Variants in SPRYD4 observed in about 807,000 individuals in gnomAD.
SPRYD4 encodes the protein SPRY domain containing 4.
Under a neutral mutation model 16.6 loss-of-function variants are expected in SPRYD4, and 12 were observed. That is an observed-to-expected ratio of 0.72 (90% CI 0.46 to 1.17). The LOEUF (loss-of-function observed/expected upper bound fraction) is 1.17. Among genes scored for constraint, SPRYD4 ranks in the 50% most tolerant of loss-of-function variants. The probability of loss-of-function intolerance (pLI) is 0.00; values close to 1 mark genes in which losing one functional copy is unlikely to be tolerated. For missense variants in SPRYD4, 260 were observed against 260.2 expected, an observed-to-expected ratio of 1.00 and a Z score of 0.00; for synonymous variants, 98 against 105.4, an observed-to-expected ratio of 0.93 and a Z score of 0.43.
At position 56,478,133 on chromosome 12, in the gene SPRYD4, G is replaced by GT. The variant is rs1381485241; in HGVS notation, c.*8557dup. 5.0e-6 allele frequency: 8 copies of GT among 1,614,024 alleles called. No individual in the cohort carries two copies. Among genetic ancestry groups the GT allele is most frequent in the Non-Finnish European group, 2.5e-6 (3 of 1,179,970 alleles). On this transcript the variant is annotated 3_prime_UTR_variant, in exon 2 of 2. Transcript: ENST00000338146. ...CAGATGCCATGAAAGGGGTTGGCCTGTGTTCGGCACCTGTGCCCTGCCTCC... is the reference window on the plus strand; with the variant it reads ...CAGATGCCATGAAAGGGGTTGGCCTGTTGTTCGGCACCTGTGCCCTGCCTCC...
In SPRYD4 at chr12:56,469,213, G is replaced by A. The variant is rs758879041; in HGVS notation, c.260G>A (p.Arg87Lys). 3.1e-6 allele frequency: 5 copies of A among 1,614,204 alleles called. No individual in the cohort carries two copies. Among genetic ancestry groups the A allele is most frequent in the South Asian group, 2.2e-5 (2 of 91,080 alleles). ...GCAGACACAGCGGTCACCAGTGGCA[G>A]ACACTACTGGGAAGTGACAGTGAAG... is the stretch of plus-strand genomic sequence containing the variant. ...VLADTAVTSG[R>K]HYWEVTVKRS... The change falls in exon 2 of 2, where the codon AGA becomes AAA. Residue 87 changes from arginine to lysine, a missense_variant. Arg to Lys is a conservative substitution (Grantham distance 26). Coordinates refer to ENST00000338146, the MANE Select transcript of SPRYD4 (RefSeq NM_207344.4).
Position 56,471,805 on chromosome 12 carries a change from C to G in SPRYD4, c.*2228C>G. ...TGGCAAAAGGATTCACTTTGCAAGC[C>G]TCGATCAGGAATTTAACAACTTCGA... On this transcript the variant is annotated 3_prime_UTR_variant, in exon 2 of 2. Transcript: ENST00000338146. 1 of 1,614,054 alleles carries G rather than the reference C, an allele frequency of 6.2e-7. No individual in the cohort carries two copies. The highest frequency in any genetic ancestry group is 8.5e-7 in the Non-Finnish European group (1 of 1,180,032).
chr12:56,472,885 CTTTTTTTTT>C lies in SPRYD4; in HGVS notation c.*3320_*3328del. On this transcript the variant is annotated 3_prime_UTR_variant, in exon 2 of 2. Transcript: ENST00000338146. The stretch of plus-strand genomic sequence containing the variant: ...ATGGAATGTGCTACTCTGAAATATT[CTTTTTTTTT>C]TTTTTTTTTTTGAGACGGAGTCTCG... 2.5e-6 allele frequency: 1 copy of C among 399,734 alleles called. No individual in the cohort carries two copies. Among genetic ancestry groups the C allele is most frequent in the Non-Finnish European group, 4.4e-6 (1 of 225,930 alleles). 24.8% of individuals were successfully genotyped at this position (399,734 alleles called of 1,614,324 possible). A position where few individuals can be genotyped will look rare whatever the true frequency, so the allele number is the denominator to read the frequency against.
chr12:56,468,938 A>T, intron 1 of SPRYD4, 101 bp from the exon 2 acceptor site: 1 of 1,401,476 alleles, frequency 7.1e-7, no homozygotes. Context: ...ACTCTTCCCT[A>T]GTTGCTCGTG....
chr12:56,474,243 C>A lies in SPRYD4; in HGVS notation c.*4666C>A, dbSNP rs1373676217. Reference sequence around the variant, plus strand: ...TAGCTGGGATTACAGGTGCACACCACCACCCCCGGCTAATTTTTTGTATTT... The same window carrying A: ...TAGCTGGGATTACAGGTGCACACCAACACCCCCGGCTAATTTTTTGTATTT... On this transcript the variant is annotated 3_prime_UTR_variant, in exon 2 of 2. Coordinates refer to ENST00000338146, the MANE Select transcript of SPRYD4 (RefSeq NM_207344.4). 1 of 366,782 alleles carries A rather than the reference C, an allele frequency of 2.7e-6. No individual in the cohort carries two copies. Among genetic ancestry groups the A allele is most frequent in the Non-Finnish European group, 5.2e-6 (1 of 193,680 alleles). 22.7% of individuals were successfully genotyped at this position (366,782 alleles called of 1,614,324 possible).
Position 56,469,025 on chromosome 12 carries a change from T to A in SPRYD4, c.86-14T>A. On this transcript the variant is annotated splice_polypyrimidine_tract_variant and intron_variant, in intron 1 of 1. Coordinates refer to ENST00000338146, the MANE Select transcript of SPRYD4 (RefSeq NM_207344.4). ...AGCCCCTGTTATTATCCCGTCTTTT[T>A]GCTCTGCCCGCAGGCGTCAGTTTCA... is the stretch of plus-strand genomic sequence containing the variant. 6.5e-7 allele frequency: 1 copy of A among 1,542,504 alleles called. No homozygotes were observed. The highest frequency in any genetic ancestry group is 8.7e-7 in the Non-Finnish European group (1 of 1,145,360).
In SPRYD4 at chr12:56,478,212, A is replaced by G. The variant is rs1439296332; in HGVS notation, c.*8635A>G. ...GACCATCCACAGTGCACAGGGAGAC[A>G]CCCCACAGGTCTGGGTTTGACTTGG... On this transcript the variant is annotated 3_prime_UTR_variant, in exon 2 of 2. Transcript: ENST00000338146. 7.4e-6 allele frequency: 12 copies of G among 1,614,164 alleles called. No individual in the cohort carries two copies. Among genetic ancestry groups the G allele is most frequent in the Non-Finnish European group, 9.3e-6 (11 of 1,180,032 alleles).
chr12:56,479,502 A>T lies in SPRYD4; in HGVS notation c.*9925A>T, dbSNP rs978822914. ...TATATTTATATATATTCATGTATGT[A>T]TGTCAGTACATAGGACATTATCTAG... On this transcript the variant is annotated 3_prime_UTR_variant, in exon 2 of 2. Transcript: ENST00000338146. 1 of 399,618 alleles carries T rather than the reference A, an allele frequency of 2.5e-6. No homozygotes were observed. The highest frequency in any genetic ancestry group is 4.4e-6 in the Non-Finnish European group (1 of 228,036). The allele number at this position is 399,618 out of a possible 1,614,324, so 24.8% of individuals were successfully genotyped here.
At position 56,475,782 on chromosome 12, in the gene SPRYD4, G is replaced by A; in HGVS notation, c.*6205G>A. On this transcript the variant is annotated 3_prime_UTR_variant, in exon 2 of 2. Coordinates refer to ENST00000338146, the MANE Select transcript of SPRYD4 (RefSeq NM_207344.4). Reference sequence around the variant, plus strand: ...CTTCTGAACTCAGGTCTTGTCAAGAGGCTTTCCTCTCTGAGGCCAGCAGAT... The same window carrying A: ...CTTCTGAACTCAGGTCTTGTCAAGAAGCTTTCCTCTCTGAGGCCAGCAGAT... 7.1e-7 allele frequency: 1 copy of A among 1,408,446 alleles called. No homozygotes were observed. Among genetic ancestry groups the A allele is most frequent in the Non-Finnish European group, 9.9e-7 (1 of 1,011,306 alleles). The allele number at this position is 1,408,446 out of a possible 1,614,324, so 87.2% of individuals were successfully genotyped here.
Position 56,472,238 on chromosome 12 carries a change from T to A in SPRYD4, c.*2661T>A. 1.3e-6 allele frequency: 2 copies of A among 1,569,474 alleles called. No individual in the cohort carries two copies. The highest frequency in any genetic ancestry group is 1.3e-5 in the African/African-American group (1 of 74,074). ...GCAGCTAGAGTTGCCTAGATCAGAC[T>A]GGAATCACAGGTGTTCTTTGTGAAC... On this transcript the variant is annotated 3_prime_UTR_variant, in exon 2 of 2. Coordinates refer to ENST00000338146, the MANE Select transcript of SPRYD4 (RefSeq NM_207344.4).
chr12:56,477,655 C>T lies in SPRYD4; in HGVS notation c.*8078C>T. 6.2e-7 allele frequency: 1 copy of T among 1,613,054 alleles called. No homozygotes were observed. The highest frequency in any genetic ancestry group is 8.5e-7 in the Non-Finnish European group (1 of 1,179,488). On this transcript the variant is annotated 3_prime_UTR_variant, in exon 2 of 2. Transcript: ENST00000338146. ...TACCTATCAGAAGGTTAAGGTGGCA[C>T]TGACCTTGATCAGGGAGCTGACAAC...
rs1869117356 is a variant in SPRYD4 at position 56,469,054 on chromosome 12, T to A, written c.101T>A (p.Leu34Gln). 6.4e-7 allele frequency: 1 copy of A among 1,570,716 alleles called. No individual in the cohort carries two copies. Residue 34 changes from leucine (L) to glutamine (Q), a missense_variant, in exon 2 of 2, where the codon CTG becomes CAG. Coordinates refer to ENST00000338146, the MANE Select transcript of SPRYD4 (RefSeq NM_207344.4). Reference sequence around the variant, plus strand: ...CTGCCCGCAGGCGTCAGTTTCAAACTGGAAGAAAAAACCGCCCACAGCAGC... The same window carrying A: ...CTGCCCGCAGGCGTCAGTTTCAAACAGGAAGAAAAAACCGCCCACAGCAGC... ...TEAQRGVSFK[L>Q]EEKTAHSSLA...
chr12:56,477,223 C>G lies in SPRYD4; in HGVS notation c.*7646C>G, dbSNP rs7137402. On this transcript the variant is annotated 3_prime_UTR_variant, in exon 2 of 2. Transcript: ENST00000338146. ...GGCTAGTCTGACACCCTGTTCAAGGCCAACTCACAGTTCCAGGTGACGTGA... is the reference window on the plus strand; with the variant it reads ...GGCTAGTCTGACACCCTGTTCAAGGGCAACTCACAGTTCCAGGTGACGTGA... The G allele has an allele frequency of 0.011, 1,672 of 154,326 alleles. 31 individuals carry two copies. The highest frequency in any genetic ancestry group is 0.038 in the African/African-American group (1,587 of 41,624). The allele number at this position is 154,326 out of a possible 1,614,324, so 9.6% of individuals were successfully genotyped here. A position where few individuals can be genotyped will look rare whatever the true frequency, so the allele number is the denominator to read the frequency against.
In SPRYD4 at chr12:56,478,665, A is replaced by T; in HGVS notation, c.*9088A>T. The T allele has an allele frequency of 3.8e-6, 1 of 262,018 alleles. No individual in the cohort carries two copies. The allele number at this position is 262,018 out of a possible 1,614,324, so 16.2% of individuals were successfully genotyped here. A position where few individuals can be genotyped will look rare whatever the true frequency, so the allele number is the denominator to read the frequency against. ...ACAGAAGTTCTGCTTCTCATCTCTCATTCATAGGACTCCCAGCCCCAGGAA... is the reference window on the plus strand; with the variant it reads ...ACAGAAGTTCTGCTTCTCATCTCTCTTTCATAGGACTCCCAGCCCCAGGAA... On this transcript the variant is annotated 3_prime_UTR_variant, in exon 2 of 2. Coordinates refer to ENST00000338146, the MANE Select transcript of SPRYD4 (RefSeq NM_207344.4).
rs969577347 is a variant in SPRYD4 at position 56,471,052 on chromosome 12, A to G, written c.*1475A>G. On this transcript the variant is annotated 3_prime_UTR_variant, in exon 2 of 2. Coordinates refer to ENST00000338146, the MANE Select transcript of SPRYD4 (RefSeq NM_207344.4). ...AGCATGTCCTGGCCAAGGGGAGTAG[A>G]TTTCTCCAGACTACTAAAGCCATGT... is the stretch of plus-strand genomic sequence containing the variant. The G allele has an allele frequency of 1.4e-5, 4 of 285,682 alleles. No homozygotes were observed. The highest frequency in any genetic ancestry group is 2.6e-5 in the Non-Finnish European group (4 of 154,706). 17.7% of individuals were successfully genotyped at this position (285,682 alleles called of 1,614,324 possible). A position where few individuals can be genotyped will look rare whatever the true frequency, so the allele number is the denominator to read the frequency against.
chr12:56,477,732 AACC>A lies in SPRYD4; in HGVS notation c.*8160_*8162del, dbSNP rs1229566464. On this transcript the variant is annotated 3_prime_UTR_variant, in exon 2 of 2. Coordinates refer to ENST00000338146, the MANE Select transcript of SPRYD4 (RefSeq NM_207344.4). Reference sequence around the variant, plus strand: ...TATGGGGGATTCCTGGGGAAATACAAACCACCAAGAGTCTTAGCCACTGAACAA... The same window carrying A: ...TATGGGGGATTCCTGGGGAAATACAAACCAAGAGTCTTAGCCACTGAACAA... 6.2e-7 allele frequency: 1 copy of A among 1,609,280 alleles called. No individual in the cohort carries two copies. Among genetic ancestry groups the A allele is most frequent in the African/African-American group, 1.3e-5 (1 of 74,546 alleles).
At position 56,472,639 on chromosome 12, in the gene SPRYD4, A is replaced by G; in HGVS notation, c.*3062A>G. On this transcript the variant is annotated 3_prime_UTR_variant, in exon 2 of 2. Coordinates refer to ENST00000338146, the MANE Select transcript of SPRYD4 (RefSeq NM_207344.4). ...TTTTGTTACGCTGCCTCCTAGTAAAATCTCTGACCAGGAGTATTTTATTGT... is the reference window on the plus strand; with the variant it reads ...TTTTGTTACGCTGCCTCCTAGTAAAGTCTCTGACCAGGAGTATTTTATTGT... 1 of 1,539,434 alleles carries G rather than the reference A, an allele frequency of 6.5e-7. No homozygotes were observed. Among genetic ancestry groups the G allele is most frequent in the Non-Finnish European group, 9.0e-7 (1 of 1,113,268 alleles).
At position 56,473,035 on chromosome 12, in the gene SPRYD4, G is replaced by A. The variant is rs992050156; in HGVS notation, c.*3458G>A. 3.6e-5 allele frequency: 22 copies of A among 606,284 alleles called. No homozygotes were observed. Among genetic ancestry groups the A allele is most frequent in the Middle Eastern group, 8.9e-4 (2 of 2,248 alleles). The allele number at this position is 606,284 out of a possible 1,614,324, so 37.6% of individuals were successfully genotyped here. On this transcript the variant is annotated 3_prime_UTR_variant, in exon 2 of 2. Coordinates refer to ENST00000338146, the MANE Select transcript of SPRYD4 (RefSeq NM_207344.4). Reference sequence around the variant, plus strand: ...CTCCCAAGTAGCTGGGACCACAGGCGCGTGCCACCACGTCTGGCTAATTTT... The same window carrying A: ...CTCCCAAGTAGCTGGGACCACAGGCACGTGCCACCACGTCTGGCTAATTTT...
At position 56,471,438 on chromosome 12, in the gene SPRYD4, G is replaced by T. The variant is rs1246302897; in HGVS notation, c.*1861G>T. ...TTTTTGGTGGTTATGGATTACATGT[G>T]TGGCCAGCTCATGCTTTTTCTTGAG... On this transcript the variant is annotated 3_prime_UTR_variant, in exon 2 of 2. Transcript: ENST00000338146. 4 of 1,560,986 alleles carry T rather than the reference G, an allele frequency of 2.6e-6. No individual in the cohort carries two copies. Among genetic ancestry groups the T allele is most frequent in the Non-Finnish European group, 2.6e-6 (3 of 1,152,952 alleles).
Sources: allele counts gnomAD v4.1 joint callset, GRCh38; gene constraint gnomAD v4.1.1; transcripts MANE v1.5; gene names NCBI Gene and HGNC (gene_info 2026-07-23, HGNC 2026-07-21).